Variants in AGK observed in about 807,000 individuals in gnomAD.
AGK encodes acylglycerol kinase, mitochondrial.
A neutral mutation model predicts 66.4 loss-of-function variants in AGK; 52 were observed. The ratio of observed to expected loss-of-function variants is 0.78; its 90% CI spans 0.63 to 0.99. The LOEUF (loss-of-function observed/expected upper bound fraction) is 0.99. Ranked by LOEUF, AGK falls within the 50% of genes least tolerant of loss-of-function variation. The probability of loss-of-function intolerance (pLI) is 0.00; values close to 1 mark genes in which losing one functional copy is unlikely to be tolerated. For synonymous variants in AGK, 182 were observed against 181.1 expected (o/e 1.00, Z -0.04); for missense variants, 451 against 506.6 (o/e 0.89, Z 1.05).
At chr7:141,563,255 T>A (rs1451810404) in intron 2 of AGK, among the ~76,000 whole-genome samples, 2 of 152,236 alleles carry the variant, frequency 1.3e-5, no homozygotes, top group Non-Finnish European at 2.9e-5. Context: ...GCCCTGCCTT[T>A]TATCTGTCAT....
chr7:141,593,055 G>A (rs1015134673), intron 2 of AGK, 91 bp from the exon 3 acceptor site: 1 of 1,049,764 alleles, frequency 9.5e-7, no homozygotes, highest in African/African-American at 1.6e-5. Context: ...GAGAAGAGGT[G>A]CCTATATTAA....
At chr7:141,567,492 A>T (rs543868220) in intron 2 of AGK, among the ~76,000 whole-genome samples, 1 of 152,122 alleles carries the variant, frequency 6.6e-6, no homozygotes, top group East Asian at 1.9e-4. Flanking sequence ...CCAAGTTTCA[A>T]AGAAAAAAAA....
Position 141,654,163 on chromosome 7 carries a change from T to C in AGK, c.*1239T>C, listed in dbSNP as rs920120207. On this transcript the variant is annotated 3_prime_UTR_variant, in exon 16 of 16. Transcript: ENST00000649286. ...TTTTTTTAGCTCTTGCTTTAAGTGT[T>C]TGTTTGTTATCTCAGTCCAGAACCA... The C allele has an allele frequency of 2.0e-5, 3 of 152,124 alleles. No homozygotes were observed. Among genetic ancestry groups the C allele is most frequent in the Non-Finnish European group, 4.4e-5 (3 of 67,966 alleles). The allele number at this position is 152,124 out of a possible 1,614,324, so 9.4% of individuals were successfully genotyped here.
intron 2 of AGK, among the ~76,000 whole-genome samples, chr7:141,572,265 G>A (rs1222727683): frequency 6.6e-6 from 1 of 152,218 alleles, no homozygotes; most frequent in East Asian, 1.9e-4. Context: ...AAGTCTGAAG[G>A]TTAAGAGTGC....
At chr7:141,586,447 G>C (rs2116908493) in intron 2 of AGK, among the ~76,000 whole-genome samples, 2 of 152,264 alleles carry the variant, frequency 1.3e-5, no homozygotes, top group South Asian at 4.1e-4. Context: ...AATCTCTCCT[G>C]TTCAAACATT....
chr7:141,561,962 G>A (rs968693527), intron 2 of AGK: 38 of 438,772 alleles, frequency 8.7e-5, no homozygotes, highest in African/African-American at 4.2e-4. Flanking sequence ...CAGGGATAGC[G>A]GGCTCTAGGC....
At chr7:141,586,757 A>G (rs1043261959) in intron 2 of AGK, among the ~76,000 whole-genome samples, 6 of 152,196 alleles carry the variant, frequency 3.9e-5, no homozygotes, top group African/African-American at 1.4e-4. Context: ...TCAAGGGGGA[A>G]TGGTGGAAGA....
At chr7:141,627,303 G>A (rs796183455) in intron 9 of AGK, among the ~76,000 whole-genome samples, 12 of 151,942 alleles carry the variant, frequency 7.9e-5, no homozygotes, top group African/African-American at 2.9e-4. Flanking sequence ...TTTCTGGAAA[G>A]GGCAAATTCC....
intron 9 of AGK, among the ~76,000 whole-genome samples, chr7:141,624,869 C>T (rs1007730626): frequency 6.6e-6 from 1 of 152,198 alleles, no homozygotes; most frequent in African/African-American, 2.4e-5. Context: ...AGGTCACATG[C>T]TATCGAACTG....
intron 2 of AGK, among the ~76,000 whole-genome samples, chr7:141,582,091 C>T (rs897162637): frequency 2.0e-5 from 3 of 152,128 alleles, no homozygotes; most frequent in South Asian, 2.1e-4. Flanking sequence ...AGTCTTCAGC[C>T]GCTAAGTCAA....
At position 141,615,874 on chromosome 7, in the gene AGK, A is replaced by G. The variant is rs112539655; in HGVS notation, c.518+309A>G. ...TACATTGTAAGATTCTTTAGTGAAG[A>G]CATATTTGTGCTGCTCATTTGTTTG... On this transcript the variant is annotated intron_variant, in intron 8 of 15. Transcript: ENST00000649286. 2.0e-3 allele frequency: 535 copies of G among 265,280 alleles called. 6 individuals are homozygous for G. The highest frequency in any genetic ancestry group is 0.011 in the African/African-American group (481 of 45,100). 16.4% of individuals were successfully genotyped at this position (265,280 alleles called of 1,614,324 possible).
intron 13 of AGK, among the ~76,000 whole-genome samples, chr7:141,644,735 G>A (rs1269148358): frequency 2.0e-5 from 3 of 152,030 alleles, no homozygotes; most frequent in African/African-American, 7.2e-5. Flanking sequence ...CTTTAAAAAG[G>A]AAATACCCCC....
chr7:141,631,316 T>C (rs897256591), intron 9 of AGK, among the ~76,000 whole-genome samples: 4 of 152,204 alleles, frequency 2.6e-5, no homozygotes, highest in African/African-American at 9.6e-5. Context: ...AAGCCAACGT[T>C]CAAAAGTTAA....
chr7:141,580,852 G>A (rs1414229396), intron 2 of AGK, among the ~76,000 whole-genome samples: 1 of 152,026 alleles, frequency 6.6e-6, no homozygotes. Flanking sequence ...TGAGTGATGA[G>A]TTAGGGAGAG....
At chr7:141,600,665 CAGTCTTGGA>C (rs1024379650) in intron 4 of AGK, among the ~76,000 whole-genome samples, 1 of 152,162 alleles carries the variant, frequency 6.6e-6, no homozygotes, top group Non-Finnish European at 1.5e-5. Flanking sequence ...GTCCTGACAA[CAGTCTTGGA>C]AGTCTCTAAT....
At chr7:141,603,944 G>C (rs537907642) in intron 5 of AGK, among the ~76,000 whole-genome samples, 3 of 152,128 alleles carry the variant, frequency 2.0e-5, no homozygotes, top group Non-Finnish European at 4.4e-5. Context: ...CTTAGGAAAA[G>C]TAGCGATTCT....
At chr7:141,568,939 A>T (rs1382041591) in intron 2 of AGK, among the ~76,000 whole-genome samples, 2 of 152,126 alleles carry the variant, frequency 1.3e-5, no homozygotes, top group Non-Finnish European at 2.9e-5. Context: ...TTTCCTGGAG[A>T]TTTTAAAATC....
chr7:141,634,117 G>A (rs963772850), intron 10 of AGK, 137 bp downstream of exon 10: 1 of 742,214 alleles, frequency 1.3e-6, no homozygotes, highest in African/African-American at 1.8e-5. Context: ...GTGAATAATG[G>A]AGGTAGGAAC....
intron 11 of AGK, among the ~76,000 whole-genome samples, chr7:141,639,907 A>T (rs964452949): frequency 6.6e-6 from 1 of 152,214 alleles, no homozygotes; most frequent in African/African-American, 2.4e-5. Flanking sequence ...TTTTTAGGAC[A>T]TATTGTAGAA....
Sources: allele counts gnomAD v4.1 joint callset (sites outside exome capture counted in the v4.1 genomes callset), GRCh38; gene constraint gnomAD v4.1.1; transcripts MANE v1.5; gene names NCBI Gene and HGNC (gene_info 2026-07-23, HGNC 2026-07-21).